The following STK32B variants were observed in gnomAD, a reference collection of about 807,000 sequenced individuals.
STK32B encodes serine/threonine-protein kinase 32B.
In STK32B, 43 loss-of-function variants were observed where a neutral mutation model predicts 52.6. That is an observed-to-expected ratio of 0.82 (90% confidence interval 0.64 to 1.05). The LOEUF (loss-of-function observed/expected upper bound fraction) is 1.05, where lower values mean the gene tolerates loss of function less well. Ranked by LOEUF, STK32B falls within the 50% of genes least tolerant of loss-of-function variation. The pLI, the probability that STK32B is intolerant of heterozygous loss-of-function variation, is 0.00. For synonymous variants in STK32B, 238 were observed against 204.3 expected, an observed-to-expected ratio of 1.17 and a Z score of -1.41; for missense variants, 621 against 534.6, an observed-to-expected ratio of 1.16 and a Z score of -1.59.
intron 3 of STK32B, among the ~76,000 whole-genome samples, chr4:5,279,894 A>G (rs1560282327): frequency 6.6e-6 from 1 of 152,188 alleles, no homozygotes; most frequent in Non-Finnish European, 1.5e-5. Flanking sequence ...ACAGGGTGCC[A>G]TGTCCCAAGG....
intron 3 of STK32B, among the ~76,000 whole-genome samples, chr4:5,179,900 C>T (rs1485962235): frequency 1.3e-5 from 2 of 152,212 alleles, no homozygotes; most frequent in African/African-American, 2.4e-5. Flanking sequence ...TCCCATTTCT[C>T]CTGCCAGCTG....
At chr4:5,257,541 C>T (rs1308114791) in intron 3 of STK32B, among the ~76,000 whole-genome samples, 1 of 152,232 alleles carries the variant, frequency 6.6e-6, no homozygotes, top group Admixed American at 6.5e-5. Flanking sequence ...TGCTTCTACC[C>T]TTGGGCTCCT....
intron 4 of STK32B, among the ~76,000 whole-genome samples, chr4:5,347,599 A>T (rs987028126): frequency 7.2e-5 from 11 of 152,170 alleles, no homozygotes; most frequent in Non-Finnish European, 1.3e-4. Flanking sequence ...TCATCCATGG[A>T]GAGTGATATG....
In STK32B at chr4:5,394,245, T is replaced by C. The variant is rs1328522404; in HGVS notation, c.435-3962T>C. On this transcript the variant is annotated intron_variant, in intron 4 of 11. Coordinates refer to ENST00000282908, the MANE Select transcript of STK32B (RefSeq NM_018401.3). The surrounding 1 kb of genome is among the most constrained non-coding windows in gnomAD (Gnocchi z 4.2). ...GGTTTTATAGCCCTGCATGCGTACT[T>C]TCCATCAAAGTGTCATTTTGCCCAA... Among the ~76,000 whole-genome samples the C allele has an allele frequency of 1.3e-5, 2 of 152,122 alleles. No homozygotes were observed. The highest frequency in any genetic ancestry group is 4.8e-5 in the African/African-American group (2 of 41,420).
chr4:5,308,641 G>C (rs1195999154), intron 3 of STK32B, among the ~76,000 whole-genome samples: 1 of 152,108 alleles, frequency 6.6e-6, no homozygotes, highest in African/African-American at 2.4e-5. Flanking sequence ...CATGGATGCA[G>C]GGACATGATT....
Position 5,058,745 on chromosome 4 carries a change from T to C in STK32B, c.52+6830T>C, listed in dbSNP as rs1247058685. 2.0e-5 allele frequency among the ~76,000 whole-genome samples: 3 copies of C among 151,878 alleles called. No homozygotes were observed. The highest frequency in any genetic ancestry group is 4.4e-5 in the Non-Finnish European group (3 of 67,986). On this transcript the variant is annotated intron_variant, in intron 1 of 11. Transcript: ENST00000282908. The surrounding 1 kb of genome is among the most constrained non-coding windows in gnomAD (Gnocchi z 4.8). ...GCTAGTTTATTTATTTATTTTTTAT[T>C]TATTTTACTTATTTATTTTTTGATA... is the stretch of plus-strand genomic sequence containing the variant.
intron 3 of STK32B, among the ~76,000 whole-genome samples, chr4:5,241,822 C>T (rs575860913): frequency 8.5e-5 from 13 of 152,176 alleles, no homozygotes; most frequent in Admixed American, 2.6e-4. Context: ...TGAGAACATG[C>T]GGTGTTTGGT....
At chr4:5,039,715 G>A in the STK32B span, among the ~76,000 whole-genome samples, 12 of 152,168 alleles carry the variant, frequency 7.9e-5, no homozygotes, top group Non-Finnish European at 1.5e-4. Context: ...AGTGCAAGGA[G>A]GTGTGTTTAC....
chr4:5,089,170 G>A (rs944679400), intron 1 of STK32B, among the ~76,000 whole-genome samples: 2 of 151,998 alleles, frequency 1.3e-5, no homozygotes, highest in Admixed American at 1.3e-4. Context: ...ATAATTGTAT[G>A]CCAATAAATT....
chr4:5,296,206 T>G (rs1410099680), intron 3 of STK32B, among the ~76,000 whole-genome samples: 2 of 152,158 alleles, frequency 1.3e-5, no homozygotes, highest in Non-Finnish European at 2.9e-5. Flanking sequence ...TTAGAATAAG[T>G]GTGATGTGAT....
intron 2 of STK32B, among the ~76,000 whole-genome samples, chr4:5,165,734 G>A (rs1271334453): frequency 1.3e-5 from 2 of 152,268 alleles, no homozygotes; most frequent in Admixed American, 6.5e-5. Flanking sequence ...CCTGAGGTAC[G>A]TTTGCACGTC....
At chr4:5,368,036 C>A (rs954096415) in intron 4 of STK32B, among the ~76,000 whole-genome samples, 1 of 152,146 alleles carries the variant, frequency 6.6e-6, no homozygotes, top group Admixed American at 6.5e-5. Context: ...GAGATACCCA[C>A]CCCCGATTTC....
chr4:5,415,555 A>G (rs557930795), intron 5 of STK32B, among the ~76,000 whole-genome samples: 1 of 152,324 alleles, frequency 6.6e-6, no homozygotes, highest in African/African-American at 2.4e-5. Flanking sequence ...GGTATGTTCT[A>G]GGAATGTTGC....
chr4:5,101,134 C>T (rs1713763165), intron 1 of STK32B, among the ~76,000 whole-genome samples: 1 of 152,224 alleles, frequency 6.6e-6, no homozygotes, highest in South Asian at 2.1e-4. Context: ...CTCTCAAACT[C>T]CTGCCCTCAA....
At chr4:5,165,910 C>T (rs1435341240) in intron 2 of STK32B, among the ~76,000 whole-genome samples, 2 of 152,164 alleles carry the variant, frequency 1.3e-5, no homozygotes, top group Admixed American at 6.5e-5. Flanking sequence ...TGACATTTAT[C>T]GTCCCTCAGT....
intron 1 of STK32B, among the ~76,000 whole-genome samples, chr4:5,109,228 T>C (rs1456323425): frequency 2.0e-5 from 3 of 152,208 alleles, no homozygotes; most frequent in Admixed American, 2.0e-4. Flanking sequence ...CTGCCTCATT[T>C]TTCTAATGAG....
At chr4:5,485,503 G>C (rs992080755) in intron 11 of STK32B, among the ~76,000 whole-genome samples, 4 of 151,984 alleles carry the variant, frequency 2.6e-5, no homozygotes, top group Non-Finnish European at 1.5e-5. Flanking sequence ...TTTTTTTCAA[G>C]GTTTTTAACT....
chr4:5,251,950 T>G (rs1725963105), intron 3 of STK32B, among the ~76,000 whole-genome samples: 1 of 152,178 alleles, frequency 6.6e-6, no homozygotes, highest in Admixed American at 6.5e-5. Context: ...GGTAGAACAA[T>G]GTCCATGAAA....
intron 3 of STK32B, among the ~76,000 whole-genome samples, chr4:5,184,102 G>T (rs182102496): frequency 6.6e-6 from 1 of 152,198 alleles, no homozygotes; most frequent in African/African-American, 2.4e-5. Flanking sequence ...CTAACTGCTC[G>T]GCAAAAGAAC....
Sources: allele counts gnomAD v4.1 joint callset (sites outside exome capture counted in the v4.1 genomes callset), GRCh38; gene constraint gnomAD v4.1.1; non-coding constraint Gnocchi (gnomAD v3.1); transcripts MANE v1.5; gene names NCBI Gene and HGNC (gene_info 2026-07-23, HGNC 2026-07-21).